Variants in DGKB observed in about 807,000 individuals in gnomAD.
DGKB encodes the protein 90 kDa diacylglycerol kinase.
A neutral mutation model predicts 114.3 loss-of-function variants in DGKB; 67 were observed. The observed-to-expected ratio is 0.59, with a 90% CI of 0.48 to 0.72. DGKB has a LOEUF of 0.72. Among genes scored for constraint, DGKB ranks in the 30% least tolerant of loss-of-function variants. The pLI is 0.00. For missense variants in DGKB, 907 were observed against 975.2 expected (o/e 0.93, Z 0.93); for synonymous variants, 398 against 323.1 (o/e 1.23, Z -2.49).
chr7:14,946,505 T>A (rs1398539273), intron 1 of DGKB, among the ~76,000 whole-genome samples: 5 of 151,734 alleles, frequency 3.3e-5, no homozygotes, highest in Non-Finnish European at 5.9e-5. Flanking sequence ...TAAAATAAAA[T>A]CTACAATAAG....
chr7:14,467,889 G>C (rs1184739749), intron 21 of DGKB, among the ~76,000 whole-genome samples: 1 of 151,962 alleles, frequency 6.6e-6, no homozygotes. Context: ...ATAATGAGGT[G>C]ATTAACCTCT....
intron 17 of DGKB, among the ~76,000 whole-genome samples, chr7:14,595,621 C>T (rs1352750441): frequency 1.4e-5 from 2 of 142,716 alleles, no homozygotes; most frequent in Non-Finnish European, 3.0e-5. Context: ...TAAATAAATA[C>T]TTATCTATAA....
intron 1 of DGKB, among the ~76,000 whole-genome samples, chr7:14,944,315 T>C (rs1244945349): frequency 1.3e-5 from 2 of 151,872 alleles, no homozygotes; most frequent in Non-Finnish European, 2.9e-5. Context: ...GTAATAGAAT[T>C]GTCAGTATTG....
At chr7:14,379,548 CT>C (rs1819056964) in intron 21 of DGKB, among the ~76,000 whole-genome samples, 1 of 151,830 alleles carries the variant, frequency 6.6e-6, no homozygotes, top group African/African-American at 2.4e-5. Flanking sequence ...TAAGCAATTG[CT>C]TTTTTTATTT....
intron 23 of DGKB, among the ~76,000 whole-genome samples, chr7:14,227,944 T>C (rs1324562888): frequency 2.0e-5 from 3 of 152,064 alleles, no homozygotes; most frequent in African/African-American, 4.8e-5. Context: ...TTTTTGTTAT[T>C]GTTGTCAGCT....
At chr7:14,622,294 G>A (rs147399831) in intron 14 of DGKB, among the ~76,000 whole-genome samples, 1,788 of 152,108 alleles carry the variant, frequency 0.012, 13 homozygotes, top group Non-Finnish European at 0.021. Context: ...CGCCCTCATA[G>A]TCTCTTTTGC....
intron 2 of DGKB, among the ~76,000 whole-genome samples, chr7:14,799,939 C>T (rs1163042454): frequency 6.6e-6 from 1 of 150,972 alleles, no homozygotes; most frequent in African/African-American, 2.4e-5. Context: ...TTTTTTTTGA[C>T]AGAGTCTCAC....
chr7:14,291,504 C>A (rs1801762172), intron 23 of DGKB, among the ~76,000 whole-genome samples: 2 of 152,012 alleles, frequency 1.3e-5, no homozygotes, highest in South Asian at 4.2e-4. Flanking sequence ...CCTTGGTAAT[C>A]CCAAAATTGG....
intron 20 of DGKB, among the ~76,000 whole-genome samples, chr7:14,504,823 C>T (rs1000680580): frequency 6.6e-6 from 1 of 151,618 alleles, no homozygotes; most frequent in Non-Finnish European, 1.5e-5. Context: ...GAGTTGACTG[C>T]ATCTACACTA....
rs1006345268 is a variant in DGKB at position 14,565,557 on chromosome 7, G to A, written c.1770+8655C>T. Among the ~76,000 whole-genome samples the A allele has an allele frequency of 3.3e-5, 5 of 152,058 alleles. 1 individual carries two copies. Among genetic ancestry groups the A allele is most frequent in the African/African-American group, 9.7e-5 (4 of 41,394 alleles). The stretch of plus-strand genomic sequence containing the variant: ...TCCACTATGACATGCACCTCAAACT[G>A]AGCATGTCTTTATATCCTCCACTAA... On this transcript the variant is annotated intron_variant, in intron 20 of 25. Coordinates refer to ENST00000402815, the MANE Select transcript of DGKB (RefSeq NM_001350709.2).
rs192803866 is a variant in DGKB, at chr7:14,677,616, G to C, written c.1036-4589C>G. Among the ~76,000 whole-genome samples the C allele has an allele frequency of 1.6e-3, 236 of 152,044 alleles. 1 individual carries two copies. The highest frequency in any genetic ancestry group is 5.4e-3 in the African/African-American group (225 of 41,500). The stretch of plus-strand genomic sequence containing the variant: ...TCAACTTCCCATCCTGGTGAGTCCT[G>C]CCTGACCAGTGAGAGCTTACCTTGA... On this transcript the variant is annotated intron_variant, in intron 12 of 25. Transcript: ENST00000402815.
At position 14,806,388 on chromosome 7, in the gene DGKB, T is replaced by C. The variant is rs544953307; in HGVS notation, c.70+34806A>G. Among the ~76,000 whole-genome samples, 7 of 152,244 alleles carry C rather than the reference T, an allele frequency of 4.6e-5. No homozygotes were observed. The South Asian group carries it at 8.3e-4, about 18-fold the overall frequency. ...ATTGGTAAAAATAATCTGGGTCTTG[T>C]ATACGTATAAATTAAAATTTAGTTA... On this transcript the variant is annotated intron_variant, in intron 2 of 25. Transcript: ENST00000402815.
chr7:14,853,282 T>A (rs898818364), intron 1 of DGKB, among the ~76,000 whole-genome samples: 1 of 152,000 alleles, frequency 6.6e-6, no homozygotes, highest in Admixed American at 6.5e-5. Context: ...AATAGAAAAA[T>A]ACATATTTTG....
intron 20 of DGKB, among the ~76,000 whole-genome samples, chr7:14,487,964 A>T (rs985311131): frequency 6.6e-6 from 1 of 152,134 alleles, no homozygotes; most frequent in Non-Finnish European, 1.5e-5. Context: ...TATATTTCTC[A>T]TCTGCTGTAA....
intron 23 of DGKB, among the ~76,000 whole-genome samples, chr7:14,277,337 ATTT>A (rs138811528): frequency 3.3e-5 from 5 of 150,882 alleles, no homozygotes; most frequent in Non-Finnish European, 7.4e-5. Flanking sequence ...TGCCCAGGTA[ATTT>A]TTTTTTCTTT....
intron 25 of DGKB, among the ~76,000 whole-genome samples, chr7:14,161,321 C>T (rs781116420): frequency 5.9e-5 from 9 of 152,064 alleles, no homozygotes; most frequent in Non-Finnish European, 1.3e-4. Flanking sequence ...GGGTATATAC[C>T]CAAAGGATTA....
At chr7:14,433,585 T>C (rs1211624396) in intron 21 of DGKB, among the ~76,000 whole-genome samples, 1 of 152,120 alleles carries the variant, frequency 6.6e-6, no homozygotes, top group African/African-American at 2.4e-5. Flanking sequence ...AAGTGAAAGA[T>C]TAAATCATAT....
chr7:14,471,986 A>G (rs1781484843), intron 21 of DGKB, among the ~76,000 whole-genome samples: 1 of 152,172 alleles, frequency 6.6e-6, no homozygotes, highest in Admixed American at 6.6e-5. Flanking sequence ...ATTAGAGACC[A>G]GATACTTTGA....
At chr7:14,898,293 G>A (rs544247058) in intron 1 of DGKB, among the ~76,000 whole-genome samples, 2 of 152,144 alleles carry the variant, frequency 1.3e-5, no homozygotes, top group Admixed American at 1.3e-4. Flanking sequence ...GAACTGTGGA[G>A]GGTTATAATA....
Sources: allele counts gnomAD v4.1 joint callset (sites outside exome capture counted in the v4.1 genomes callset), GRCh38; gene constraint gnomAD v4.1.1; transcripts MANE v1.5; gene names NCBI Gene and HGNC (gene_info 2026-07-23, HGNC 2026-07-21).